Variants in CMIP observed in about 807,000 individuals in gnomAD.
The protein encoded by CMIP is c-Maf inducing protein, also known as C-Maf-inducing protein.
Under a neutral mutation model 97.3 loss-of-function variants are expected in CMIP, and 13 were observed. That is an observed-to-expected ratio of 0.13 (90% confidence interval 0.09 to 0.21). CMIP has a LOEUF of 0.21. CMIP is among the 10% of genes least tolerant of loss of function. The pLI is 1.00. For synonymous variants in CMIP, 538 were observed against 436.3 expected, an observed-to-expected ratio of 1.23 and a Z score of -2.91; for missense variants, 847 against 1,024.9, an observed-to-expected ratio of 0.83 and a Z score of 2.37.
chr16:81,647,334 G>T (rs1466983966), intron 3 of CMIP, among the ~76,000 whole-genome samples: 1 of 152,140 alleles, frequency 6.6e-6, no homozygotes, highest in Admixed American at 6.5e-5. Flanking sequence ...GGCCACATTG[G>T]ATTTCTGTTG....
At position 81,693,477 on chromosome 16, in the gene CMIP, C is replaced by G; in HGVS notation, c.1520C>G (p.Pro507Arg). ...GTGATTCAGAGGTTCGCCGAAGACC[C>G]CAGGCAAGAGGTGAGGCCTTTGTTT... ...KYVIQRFAED[P>R]RQEVHSCLLS... Residue 507 changes from proline to arginine, a missense_variant, in exon 13 of 21, where the codon CCC becomes CGC. Physicochemically the swap from Pro to Arg is moderately radical, Grantham distance 103 (BLOSUM62 -2). Around this residue, in one of 4 missense-constraint regions of CMIP, gnomAD observed 266 missense variants for 384.2 expected, o/e 0.69. Coordinates refer to ENST00000537098, the MANE Select transcript of CMIP (RefSeq NM_198390.3). 18 of 1,612,672 alleles carry G rather than the reference C, an allele frequency of 1.1e-5. No homozygotes were observed. Among genetic ancestry groups the G allele is most frequent in the Non-Finnish European group, 1.4e-5 (17 of 1,179,354 alleles).
intron 1 of CMIP, among the ~76,000 whole-genome samples, chr16:81,535,035 C>G (rs1415556436): frequency 1.3e-5 from 2 of 152,184 alleles, no homozygotes; most frequent in Non-Finnish European, 2.9e-5. Flanking sequence ...ACTCTAAGCT[C>G]TGCCTCCCGG....
chr16:81,544,894 A>G (rs1335275020), intron 1 of CMIP, among the ~76,000 whole-genome samples: 1 of 152,032 alleles, frequency 6.6e-6, no homozygotes, highest in Non-Finnish European at 1.5e-5. Context: ...TGGTACTTAA[A>G]ACCCTTCTGT....
At chr16:81,580,295 C>G (rs1013822158) in intron 1 of CMIP, among the ~76,000 whole-genome samples, 8 of 152,134 alleles carry the variant, frequency 5.3e-5, no homozygotes, top group African/African-American at 1.9e-4. Context: ...GGCTCTGGAG[C>G]CTGTTTGTGA....
At chr16:81,643,607 T>C (rs1454867360) in intron 3 of CMIP, among the ~76,000 whole-genome samples, 4 of 152,136 alleles carry the variant, frequency 2.6e-5, no homozygotes, top group Non-Finnish European at 5.9e-5. Context: ...CTGGCCAACA[T>C]GGTGTGAAAC....
chr16:81,581,420 A>G (rs552617348), intron 1 of CMIP, among the ~76,000 whole-genome samples: 13 of 152,286 alleles, frequency 8.5e-5, no homozygotes, highest in African/African-American at 3.1e-4. Context: ...ACAAACCTGT[A>G]CAACAGGTTA....
intron 1 of CMIP, among the ~76,000 whole-genome samples, chr16:81,568,116 G>A (rs1161901588): frequency 1.4e-5 from 2 of 145,962 alleles, no homozygotes; most frequent in African/African-American, 5.1e-5. Flanking sequence ...TGGAGACCAA[G>A]GTCCAGAGGG....
intron 1 of CMIP, among the ~76,000 whole-genome samples, chr16:81,579,668 T>C (rs571369135): frequency 6.6e-6 from 1 of 152,140 alleles, no homozygotes; most frequent in Non-Finnish European, 1.5e-5. Flanking sequence ...CTGCCTTCTG[T>C]TTTAAGGGAC....
chr16:81,702,943 A>G (rs974017416), intron 17 of CMIP, among the ~76,000 whole-genome samples: 1 of 152,214 alleles, frequency 6.6e-6, no homozygotes, highest in Non-Finnish European at 1.5e-5. Flanking sequence ...AATAGCAGAT[A>G]TACCTTGAGC....
At chr16:81,478,319 A>G (rs1908054198) in intron 1 of CMIP, among the ~76,000 whole-genome samples, 1 of 152,220 alleles carries the variant, frequency 6.6e-6, no homozygotes, top group Non-Finnish European at 1.5e-5. Flanking sequence ...CAAGCCGTAG[A>G]GTAGAACAGG....
chr16:81,604,955 G>A (rs866550859), intron 1 of CMIP, among the ~76,000 whole-genome samples: 1 of 152,110 alleles, frequency 6.6e-6, no homozygotes, highest in Non-Finnish European at 1.5e-5. Context: ...AATGTCAGAC[G>A]CCATTTAGGC....
Position 81,652,447 on chromosome 16 carries a change from G to C in CMIP, c.639+83G>C. ...GGCTCCATGCCAAGCAGCAGGCGCAGGCAGAGCTCCGTGTGGGCTGTGTTG... is the reference window on the plus strand; with the variant it reads ...GGCTCCATGCCAAGCAGCAGGCGCACGCAGAGCTCCGTGTGGGCTGTGTTG... On this transcript the variant is annotated intron_variant, in intron 4 of 20. Transcript: ENST00000537098. The surrounding 1 kb of genome is among the most constrained non-coding windows in gnomAD (Gnocchi z 5.2). 8.0e-7 allele frequency: 1 copy of C among 1,252,990 alleles called. No individual in the cohort carries two copies. Among genetic ancestry groups the C allele is most frequent in the Non-Finnish European group, 1.1e-6 (1 of 882,736 alleles). The allele number at this position is 1,252,990 out of a possible 1,614,324, so 77.6% of individuals were successfully genotyped here.
chr16:81,572,867 TCA>T (rs1330764777), intron 1 of CMIP, among the ~76,000 whole-genome samples: 1 of 152,172 alleles, frequency 6.6e-6, no homozygotes, highest in East Asian at 1.9e-4. Flanking sequence ...AGCACCAGCA[TCA>T]GTCCTGCCTC....
At chr16:81,565,240 T>C (rs1317473750) in intron 1 of CMIP, among the ~76,000 whole-genome samples, 1 of 152,138 alleles carries the variant, frequency 6.6e-6, no homozygotes, top group Admixed American at 6.5e-5. Context: ...GATAGGAGGC[T>C]TGTACCATGG....
chr16:81,555,028 C>T (rs1354198985), intron 1 of CMIP, among the ~76,000 whole-genome samples: 1 of 152,140 alleles, frequency 6.6e-6, no homozygotes, highest in Non-Finnish European at 1.5e-5. Flanking sequence ...GGGAGGGGCA[C>T]CAGCTGTCAC....
intron 10 of CMIP, among the ~76,000 whole-genome samples, chr16:81,681,516 G>T (rs1394104669): frequency 6.6e-6 from 1 of 152,218 alleles, no homozygotes; most frequent in African/African-American, 2.4e-5. Flanking sequence ...CAAAGAGATG[G>T]GAGGGGCCAG....
intron 1 of CMIP, among the ~76,000 whole-genome samples, chr16:81,540,909 T>A (rs1225476911): frequency 6.6e-6 from 1 of 151,636 alleles, no homozygotes; most frequent in African/African-American, 2.4e-5. Context: ...CTTGATCTCC[T>A]GACCTCATGA....
intron 1 of CMIP, among the ~76,000 whole-genome samples, chr16:81,530,495 G>T (rs188069068): frequency 6.6e-6 from 1 of 152,152 alleles, no homozygotes; most frequent in Admixed American, 6.5e-5. Flanking sequence ...GATCGGTGTA[G>T]CCCGTCTGAG....
At chr16:81,525,592 G>T (rs1186617930) in intron 1 of CMIP, among the ~76,000 whole-genome samples, 2 of 151,902 alleles carry the variant, frequency 1.3e-5, no homozygotes. Flanking sequence ...GTTCTCCTCC[G>T]TCAGCCTCTC....
Sources: gnomAD v4.1 joint callset for allele counts (sites outside exome capture counted in the v4.1 genomes callset) on GRCh38, gnomAD v4.1.1 for gene constraint, gnomAD v4.1.1 regional missense constraint, Gnocchi (gnomAD v3.1) non-coding constraint, MANE v1.5 for transcripts, NCBI Gene and HGNC (gene_info 2026-07-23, HGNC 2026-07-21) for gene names.